The following ATP9A variants were observed in gnomAD, a reference collection of about 807,000 sequenced individuals.
The protein encoded by ATP9A is probable phospholipid-transporting ATPase IIA.
ATP9A carries 52 observed loss-of-function variants against 144.1 expected under a neutral mutation model. The observed-to-expected ratio is 0.36, with a 90% CI of 0.29 to 0.45. The LOEUF (loss-of-function observed/expected upper bound fraction) is 0.45. ATP9A is among the 20% of genes least tolerant of loss of function. The pLI, the probability that ATP9A is intolerant of heterozygous loss-of-function variation, is 1.00. For synonymous variants in ATP9A, 582 were observed against 557.4 expected, an observed-to-expected ratio of 1.04 and a Z score of -0.62; for missense variants, 947 against 1,392.7, an observed-to-expected ratio of 0.68 and a Z score of 5.09.
chr20:51,722,965 C>G (rs1230952090), intron 3 of ATP9A, among the ~76,000 whole-genome samples: 1 of 152,200 alleles, frequency 6.6e-6, no homozygotes, highest in East Asian at 1.9e-4. Context: ...CGCCCGCCAC[C>G]ATGCCCAGCT....
chr20:51,608,922 CGTGTGTGTGTGTGT>C (rs1214031645), intron 24 of ATP9A, among the ~76,000 whole-genome samples: 3 of 142,794 alleles, frequency 2.1e-5, no homozygotes, highest in Non-Finnish European at 3.0e-5. Context: ...GGAAATAAGA[CGTGTGTGTGTGTGT>C]GTGTGTGTGT....
intron 23 of ATP9A, 83 bp downstream of exon 23, chr20:51,613,594 A>G (rs1330085363): frequency 2.9e-6 from 4 of 1,378,628 alleles, no homozygotes; most frequent in Non-Finnish European, 2.9e-6. Context: ...AGCCACATGT[A>G]CATGTGCAGA....
At chr20:51,705,103 T>C (rs566693607) in intron 4 of ATP9A, among the ~76,000 whole-genome samples, 7 of 152,366 alleles carry the variant, frequency 4.6e-5, no homozygotes, top group African/African-American at 1.7e-4. Context: ...TAAGTAGTAC[T>C]TGGGTTTAGG....
rs1055337420 is a variant in ATP9A, at chr20:51,729,890, A to T, written c.157T>A (p.Tyr53Asn). The T allele has an allele frequency of 1.0e-5, 16 of 1,604,998 alleles. No homozygotes were observed. The East Asian group carries it at 3.4e-4, about 34-fold the overall frequency. Residue 53 changes from tyrosine to asparagine, a missense_variant, in exon 2 of 28, where the codon TAT becomes AAT. By Grantham distance (143) the Tyr-to-Asn change is moderately radical. Around this residue, in one of 2 missense-constraint regions of ATP9A, gnomAD observed 770 missense variants for 1,047.9 expected, o/e 0.73. Coordinates refer to ENST00000338821, the MANE Select transcript of ATP9A (RefSeq NM_006045.3). The part of the protein sequence containing the change: ...LGHPEKRDQR[Y>N]PRNVINNQKY... ...TGATTGTTGATGACATTCCGAGGAT[A>T]CCTCTGGTCTCTCTTCTCGGGGTGC... is the stretch of plus-strand genomic sequence containing the variant.
At chr20:51,627,753 GC>G in intron 16 of ATP9A, 70 bp from the exon 17 acceptor site, 2 of 1,299,820 alleles carry the variant, frequency 1.5e-6, no homozygotes, top group Non-Finnish European at 1.1e-6. Flanking sequence ...AAGGACCAGT[GC>G]CCAAGTGGAT....
chr20:51,691,321 T>C (rs573151019), intron 7 of ATP9A, among the ~76,000 whole-genome samples: 117 of 152,174 alleles, frequency 7.7e-4, no homozygotes, highest in African/African-American at 2.7e-3. Context: ...ACAAAAAAAT[T>C]AGCCAGGCAT....
chr20:51,702,026 G>A (rs968994257), intron 4 of ATP9A, among the ~76,000 whole-genome samples: 10 of 151,616 alleles, frequency 6.6e-5, no homozygotes, highest in African/African-American at 2.2e-4. Flanking sequence ...TAGGCCAGGC[G>A]TGGTGGCTCA....
intron 1 of ATP9A, among the ~76,000 whole-genome samples, chr20:51,744,072 TAAC>T (rs1354498642): frequency 2.6e-5 from 4 of 152,188 alleles, no homozygotes; most frequent in Non-Finnish European, 4.4e-5. Flanking sequence ...CACCCATTGA[TAAC>T]AGCCATTCAA....
At chr20:51,729,796 G>T in intron 2 of ATP9A, 38 bp downstream of exon 2, 19 of 1,515,706 alleles carry the variant, frequency 1.3e-5, no homozygotes, top group Non-Finnish European at 1.2e-5. Flanking sequence ...TATTTGTGAT[G>T]GAAAAAAGAA....
intron 13 of ATP9A, among the ~76,000 whole-genome samples, chr20:51,666,378 G>A (rs983759842): frequency 3.3e-5 from 5 of 152,096 alleles, no homozygotes; most frequent in Non-Finnish European, 7.4e-5. Context: ...GGTTCCAAAG[G>A]CTGTACTTTA....
intron 9 of ATP9A, among the ~76,000 whole-genome samples, chr20:51,686,105 C>G (rs1198002685): frequency 6.6e-6 from 1 of 152,086 alleles, no homozygotes; most frequent in African/African-American, 2.4e-5. Flanking sequence ...TCTCAGCAAA[C>G]TATCGCAAGG....
At chr20:51,612,248 C>A (rs1460836177) in intron 23 of ATP9A, among the ~76,000 whole-genome samples, 1 of 152,162 alleles carries the variant, frequency 6.6e-6, no homozygotes, top group East Asian at 1.9e-4. Flanking sequence ...CAGAAGGAGA[C>A]GTGAGTTCCA....
intron 1 of ATP9A, among the ~76,000 whole-genome samples, chr20:51,749,202 A>G (rs1216334996): frequency 6.7e-6 from 1 of 148,648 alleles, no homozygotes; most frequent in Non-Finnish European, 1.5e-5. Flanking sequence ...AAATAAGTAA[A>G]TAAATAAATA....
Position 51,604,799 on chromosome 20 carries a change from A to C in ATP9A, c.3007+18T>G. 1 of 1,468,238 alleles carries C rather than the reference A, an allele frequency of 6.8e-7. No homozygotes were observed. Among genetic ancestry groups the C allele is most frequent in the South Asian group, 1.5e-5 (1 of 68,608 alleles). 91.0% of individuals were successfully genotyped at this position (1,468,238 alleles called of 1,614,324 possible). A position where few individuals can be genotyped will look rare whatever the true frequency, so the allele number is the denominator to read the frequency against. On this transcript the variant is annotated intron_variant, in intron 27 of 27. Transcript: ENST00000338821. ...CACTGGGGGTGACGGACGGGGTTTA[A>C]GCATTCAGGGGTCTTACCGATGAAC... is the stretch of plus-strand genomic sequence containing the variant.
intron 3 of ATP9A, among the ~76,000 whole-genome samples, chr20:51,715,045 C>T (rs2077656254): frequency 6.6e-6 from 1 of 152,162 alleles, no homozygotes. Context: ...TTCCCCTATC[C>T]CCTTTTAAAG....
In ATP9A at chr20:51,676,228, A is replaced by G. The variant is rs764347684; in HGVS notation, c.800-20T>C. On this transcript the variant is annotated intron_variant, in intron 9 of 27. Coordinates refer to ENST00000338821, the MANE Select transcript of ATP9A (RefSeq NM_006045.3). ...CAGTACCTAAAATGGAAAAAAGAAA[A>G]AAAAAAAAAGAAAAGAAATATTAAT... is the stretch of plus-strand genomic sequence containing the variant. The G allele has an allele frequency of 6.4e-7, 1 of 1,571,804 alleles. No homozygotes were observed.
chr20:51,749,280 T>C lies in ATP9A; in HGVS notation c.68+19022A>G, dbSNP rs1276718020. 2.0e-5 allele frequency among the ~76,000 whole-genome samples: 3 copies of C among 152,194 alleles called. No individual in the cohort carries two copies. The East Asian group carries it at 5.8e-4, about 29-fold the overall frequency. ...GAACGAGCTCAGAATTTTTTTTTTT[T>C]GAGACGGAGTCTCACTCCGTCACCC... On this transcript the variant is annotated intron_variant, in intron 1 of 27. Coordinates refer to ENST00000338821, the MANE Select transcript of ATP9A (RefSeq NM_006045.3).
At chr20:51,764,323 A>G (rs1458187271) in intron 1 of ATP9A, among the ~76,000 whole-genome samples, 1 of 152,238 alleles carries the variant, frequency 6.6e-6, no homozygotes, top group Non-Finnish European at 1.5e-5. Context: ...CCATTCAGCC[A>G]TAAGCAAAGG....
rs1197138432 is a variant in ATP9A at position 51,598,908 on chromosome 20, G to C, written c.*2303C>G. 1 of 152,268 alleles carries C rather than the reference G, an allele frequency of 6.6e-6. No homozygotes were observed. The highest frequency in any genetic ancestry group is 2.4e-5 in the African/African-American group (1 of 41,464). 9.4% of individuals were successfully genotyped at this position (152,268 alleles called of 1,614,324 possible). On this transcript the variant is annotated 3_prime_UTR_variant, in exon 28 of 28. Coordinates refer to ENST00000338821, the MANE Select transcript of ATP9A (RefSeq NM_006045.3). ...ACCGCCTCCGCCCCAGTGCGGCTGAGACAACAGAGTAAAAAGGTTTGTGGA... is the reference window on the plus strand; with the variant it reads ...ACCGCCTCCGCCCCAGTGCGGCTGACACAACAGAGTAAAAAGGTTTGTGGA...
Sources: gnomAD v4.1 joint callset for allele counts (sites outside exome capture counted in the v4.1 genomes callset) on GRCh38, gnomAD v4.1.1 for gene constraint, gnomAD v4.1.1 regional missense constraint, MANE v1.5 for transcripts, NCBI Gene and HGNC (gene_info 2026-07-23, HGNC 2026-07-21) for gene names.